The following TTC7B variants were observed in gnomAD, a reference collection of about 807,000 sequenced individuals.
TTC7B encodes tetratricopeptide repeat protein 7B.
Under a neutral mutation model 106.8 loss-of-function variants are expected in TTC7B, and 28 were observed. That is an observed-to-expected ratio of 0.26 (90% CI 0.19 to 0.36). The LOEUF is 0.36. Ranked by LOEUF, TTC7B falls within the 10% of genes least tolerant of loss-of-function variation. The pLI is 1.00. For missense variants in TTC7B, 862 were observed against 1,076.4 expected, an observed-to-expected ratio of 0.80 and a Z score of 2.79; for synonymous variants, 405 against 430.6, an observed-to-expected ratio of 0.94 and a Z score of 0.74.
intron 4 of TTC7B, among the ~76,000 whole-genome samples, chr14:90,731,895 G>A (rs969678717): frequency 2.0e-5 from 3 of 152,008 alleles, no homozygotes; most frequent in Non-Finnish European, 2.9e-5. Context: ...GGTCCAACAC[G>A]GAAACTTTTA....
intron 1 of TTC7B, among the ~76,000 whole-genome samples, chr14:90,800,200 A>C (rs1334912113): frequency 2.0e-5 from 3 of 152,154 alleles, no homozygotes; most frequent in African/African-American, 7.2e-5. Flanking sequence ...GGCTGGAGGC[A>C]AGGCTACAAA....
At chr14:90,643,224 T>A (rs1481343189) in intron 15 of TTC7B, among the ~76,000 whole-genome samples, 1 of 151,954 alleles carries the variant, frequency 6.6e-6, no homozygotes, top group African/African-American at 2.4e-5. Context: ...CTGACCAACA[T>A]GGTGAAACCC....
At chr14:90,782,471 C>T (rs575724799) in intron 2 of TTC7B, among the ~76,000 whole-genome samples, 50 of 152,112 alleles carry the variant, frequency 3.3e-4, no homozygotes, top group Non-Finnish European at 6.8e-4. Flanking sequence ...TGGTGGTGCA[C>T]ACCTGTAATC....
At chr14:90,714,090 C>T (rs1423709331) in intron 5 of TTC7B, among the ~76,000 whole-genome samples, 1 of 152,094 alleles carries the variant, frequency 6.6e-6, no homozygotes, top group Non-Finnish European at 1.5e-5. Context: ...ATTAGCTGAG[C>T]GTGGTGGCAC....
chr14:90,811,051 C>T (rs922083097), intron 1 of TTC7B, among the ~76,000 whole-genome samples: 1 of 152,166 alleles, frequency 6.6e-6, no homozygotes, highest in African/African-American at 2.4e-5. Flanking sequence ...ACAGCCCCAG[C>T]CCCACTGTGC....
At chr14:90,720,649 C>T (rs552696075) in intron 5 of TTC7B, among the ~76,000 whole-genome samples, 1 of 152,256 alleles carries the variant, frequency 6.6e-6, no homozygotes, top group South Asian at 2.1e-4. Context: ...ATTCCCAGGG[C>T]ATGAATCTCC....
intron 1 of TTC7B, among the ~76,000 whole-genome samples, chr14:90,788,935 C>T (rs965298269): frequency 6.6e-6 from 1 of 151,378 alleles, no homozygotes; most frequent in African/African-American, 2.4e-5. Context: ...TGCACTCCAG[C>T]TTGGCAACAG....
intron 13 of TTC7B, among the ~76,000 whole-genome samples, chr14:90,650,525 C>G (rs570511645): frequency 3.0e-4 from 46 of 152,254 alleles, no homozygotes; most frequent in African/African-American, 1.0e-3. Flanking sequence ...CATCATACCA[C>G]ACTTAAACTC....
chr14:90,550,404 C>T (rs961468319), intron 19 of TTC7B, among the ~76,000 whole-genome samples: 1 of 151,458 alleles, frequency 6.6e-6, no homozygotes, highest in Non-Finnish European at 1.5e-5. Context: ...ATGCACACAT[C>T]CCCCTTTTGT....
intron 1 of TTC7B, among the ~76,000 whole-genome samples, chr14:90,795,376 G>A (rs992124638): frequency 4.6e-5 from 7 of 152,202 alleles, no homozygotes; most frequent in East Asian, 3.8e-4. Context: ...CGAATTGTGC[G>A]CAGGAAAGGC....
intron 4 of TTC7B, among the ~76,000 whole-genome samples, chr14:90,731,343 C>T (rs1889320786): frequency 6.6e-6 from 1 of 152,188 alleles, no homozygotes; most frequent in African/African-American, 2.4e-5. Flanking sequence ...TCCAAACATG[C>T]CGTCCACATT....
chr14:90,770,827 C>A (rs111688933), intron 3 of TTC7B, among the ~76,000 whole-genome samples: 1 of 152,192 alleles, frequency 6.6e-6, no homozygotes, highest in Non-Finnish European at 1.5e-5. Context: ...TGAGTCAAAA[C>A]GTGGTACATG....
intron 5 of TTC7B, among the ~76,000 whole-genome samples, chr14:90,700,315 C>T (rs1887935672): frequency 6.6e-6 from 1 of 152,170 alleles, no homozygotes; most frequent in Non-Finnish European, 1.5e-5. Flanking sequence ...CACACTTGCT[C>T]CTCTGTCTGC....
intron 2 of TTC7B, among the ~76,000 whole-genome samples, chr14:90,781,614 CT>C (rs1440501103): frequency 2.6e-5 from 4 of 152,188 alleles, no homozygotes; most frequent in African/African-American, 9.7e-5. Flanking sequence ...CCTGGTGGGT[CT>C]GGCCATGGCA....
At chr14:90,796,326 C>T (rs1404825175) in intron 1 of TTC7B, among the ~76,000 whole-genome samples, 1 of 152,184 alleles carries the variant, frequency 6.6e-6, no homozygotes, top group Non-Finnish European at 1.5e-5. Context: ...TCCCCAATGG[C>T]TTATATAGGG....
At chr14:90,668,480 G>A (rs556225792) in intron 9 of TTC7B, among the ~76,000 whole-genome samples, 2 of 152,222 alleles carry the variant, frequency 1.3e-5, no homozygotes, top group African/African-American at 2.4e-5. Context: ...AAGGGTCAAG[G>A]ATCATCTGCC....
rs1595171904 is a variant in TTC7B at position 90,575,588 on chromosome 14, GA to G, written c.2310+2517del. On this transcript the variant is annotated intron_variant, in intron 19 of 19. Coordinates refer to ENST00000328459, the MANE Select transcript of TTC7B (RefSeq NM_001010854.2). The surrounding 1 kb of genome is among the most constrained non-coding windows in gnomAD (Gnocchi z 5.2). ...CCAGAGGGTCCTGCAGCACCAGTGG[GA>G]GGGGGGCCTGCCCTTGGCTGCATGG... Among the ~76,000 whole-genome samples, 2 of 152,204 alleles carry G rather than the reference GA, an allele frequency of 1.3e-5. No individual in the cohort carries two copies. Among genetic ancestry groups the G allele is most frequent in the East Asian group, 3.9e-4 (2 of 5,180 alleles).
intron 3 of TTC7B, among the ~76,000 whole-genome samples, chr14:90,775,345 G>C (rs1282711792): frequency 6.6e-6 from 1 of 152,170 alleles, no homozygotes; most frequent in Non-Finnish European, 1.5e-5. Context: ...CTGTAAGGTA[G>C]ATATTATTAT....
chr14:90,606,059 C>A (rs1038219953), intron 17 of TTC7B, among the ~76,000 whole-genome samples: 11 of 152,212 alleles, frequency 7.2e-5, no homozygotes, highest in African/African-American at 2.7e-4. Flanking sequence ...CTTTAGCCTA[C>A]AATATCCAGA....
Sources: gnomAD v4.1 joint callset for allele counts (sites outside exome capture counted in the v4.1 genomes callset) on GRCh38, gnomAD v4.1.1 for gene constraint, Gnocchi (gnomAD v3.1) non-coding constraint, MANE v1.5 for transcripts, NCBI Gene and HGNC (gene_info 2026-07-23, HGNC 2026-07-21) for gene names.